Variants in ADAM10 observed in about 807,000 individuals in gnomAD.
ADAM10 encodes ADAM metallopeptidase domain 10.
In ADAM10, 17 loss-of-function variants were observed where a neutral mutation model predicts 90.1. That is an observed-to-expected ratio of 0.19 (90% CI 0.13 to 0.28). The LOEUF (loss-of-function observed/expected upper bound fraction) is 0.28. Among genes scored for constraint, ADAM10 ranks in the 10% least tolerant of loss-of-function variants. The pLI is 1.00. For missense variants in ADAM10, 610 were observed against 914.3 expected, an observed-to-expected ratio of 0.67 and a Z score of 4.29; for synonymous variants, 310 against 298.6, an observed-to-expected ratio of 1.04 and a Z score of -0.40.
rs1292369555 is a variant in ADAM10, at chr15:58,593,030, T to C, written c.*4517A>G. 6.7e-6 allele frequency: 1 copy of C among 148,806 alleles called. No individual in the cohort carries two copies. The highest frequency in any genetic ancestry group is 2.1e-4 in the South Asian group (1 of 4,776). 9.2% of individuals were successfully genotyped at this position (148,806 alleles called of 1,614,324 possible). On this transcript the variant is annotated 3_prime_UTR_variant, in exon 16 of 16. Coordinates refer to ENST00000260408, the MANE Select transcript of ADAM10 (RefSeq NM_001110.4). ...CATACATCCACAGAAATATTTAGAGTAGTTAATGTGATATACATTATCAAT... is the reference window on the plus strand; with the variant it reads ...CATACATCCACAGAAATATTTAGAGCAGTTAATGTGATATACATTATCAAT...
intron 5 of ADAM10, among the ~76,000 whole-genome samples, chr15:58,658,090 A>T (rs1896876956): frequency 6.6e-6 from 1 of 152,068 alleles, no homozygotes; most frequent in African/African-American, 2.4e-5. Flanking sequence ...GCCTTGAGAA[A>T]TTGTTATCAC....
At chr15:58,727,439 C>T (rs1240580096) in intron 1 of ADAM10, among the ~76,000 whole-genome samples, 1 of 152,068 alleles carries the variant, frequency 6.6e-6, no homozygotes, top group Non-Finnish European at 1.5e-5. Context: ...GATCTAACCA[C>T]CTCGGCCTCC....
chr15:58,725,688 C>T (rs1262282889), intron 1 of ADAM10, among the ~76,000 whole-genome samples: 4 of 151,906 alleles, frequency 2.6e-5, no homozygotes, highest in Admixed American at 6.6e-5. Flanking sequence ...AAAAAAGACA[C>T]ATTTTATAAA....
intron 1 of ADAM10, among the ~76,000 whole-genome samples, chr15:58,720,369 CTTTTATTTTA>C (rs774200669): frequency 2.0e-4 from 24 of 121,700 alleles, no homozygotes; most frequent in African/African-American, 5.2e-4. Flanking sequence ...TAGCATGAAA[CTTTTATTTTA>C]TTTTATTTTA....
intron 5 of ADAM10, among the ~76,000 whole-genome samples, chr15:58,654,367 C>T (rs1182445169): frequency 1.3e-5 from 2 of 151,980 alleles, no homozygotes; most frequent in Non-Finnish European, 2.9e-5. Context: ...GTATCCTACG[C>T]GTTGTGTTAT....
chr15:58,635,680 T>C (rs552751036), intron 8 of ADAM10, among the ~76,000 whole-genome samples: 31 of 152,208 alleles, frequency 2.0e-4, no homozygotes, highest in Admixed American at 7.9e-4. Flanking sequence ...AAACAAATAG[T>C]AAATTAATAT....
chr15:58,736,949 T>C (rs2140844495), intron 1 of ADAM10, among the ~76,000 whole-genome samples: 1 of 152,096 alleles, frequency 6.6e-6, no homozygotes, highest in African/African-American at 2.4e-5. Flanking sequence ...ACCCCATCTC[T>C]AGTTTTTTTT....
At chr15:58,720,781 T>C (rs1426284983) in intron 1 of ADAM10, among the ~76,000 whole-genome samples, 1 of 152,178 alleles carries the variant, frequency 6.6e-6, no homozygotes, top group Non-Finnish European at 1.5e-5. Context: ...TAAACATACT[T>C]ATAAATGTAG....
At chr15:58,700,979 T>C (rs1365969425) in intron 2 of ADAM10, among the ~76,000 whole-genome samples, 4 of 135,246 alleles carry the variant, frequency 3.0e-5, no homozygotes, top group Non-Finnish European at 4.6e-5. Context: ...CACTCCAACC[T>C]GGGAGACAGA....
In ADAM10 at chr15:58,621,766, C is replaced by T. The variant is rs544462024; in HGVS notation, c.1361-145G>A. ...GAACAAACTAGGAATCTGGAAATTA[C>T]GAGACCTAATTCTAACAGGGGGTCT... On this transcript the variant is annotated intron_variant, in intron 10 of 15. Transcript: ENST00000260408. 1.2e-4 allele frequency: 121 copies of T among 1,034,984 alleles called. 1 individual carries two copies. In the South Asian group the frequency reaches 1.5e-3, roughly 13 times the overall value. The allele number at this position is 1,034,984 out of a possible 1,614,324, so 64.1% of individuals were successfully genotyped here.
chr15:58,712,462 T>C (rs1172672974), intron 2 of ADAM10, among the ~76,000 whole-genome samples: 1 of 149,046 alleles, frequency 6.7e-6, no homozygotes, highest in Non-Finnish European at 1.5e-5. Flanking sequence ...AGGCAAGAGT[T>C]TCAGTGAAAT....
intron 4 of ADAM10, among the ~76,000 whole-genome samples, chr15:58,678,345 A>G (rs1897341927): frequency 6.6e-6 from 1 of 152,180 alleles, no homozygotes; most frequent in African/African-American, 2.4e-5. Flanking sequence ...ATCATTGACA[A>G]TAAATTTCTG....
intron 1 of ADAM10, among the ~76,000 whole-genome samples, chr15:58,724,506 G>A (rs1217860846): frequency 1.3e-5 from 2 of 152,218 alleles, no homozygotes; most frequent in Non-Finnish European, 2.9e-5. Flanking sequence ...CTTACTGCCT[G>A]TAAGCAGTCT....
intron 5 of ADAM10, among the ~76,000 whole-genome samples, chr15:58,655,738 T>TTC (rs1463559824): frequency 2.3e-4 from 22 of 95,742 alleles, no homozygotes; most frequent in African/African-American, 8.9e-4. Context: ...TATATATATA[T>TTC]ATTCTTTTTT....
At position 58,648,698 on chromosome 15, in the gene ADAM10, T is replaced by C. The variant is rs535117798; in HGVS notation, c.586-2494A>G. 8.7e-4 allele frequency among the ~76,000 whole-genome samples: 133 copies of C among 152,322 alleles called. 1 individual carries two copies. The highest frequency in any genetic ancestry group is 3.0e-3 in the African/African-American group (124 of 41,584). ...TACAACTGTTCTCTTATTTATCATA[T>C]GATTTTTCTATTATTCCTTCCGGTT... On this transcript the variant is annotated intron_variant, in intron 5 of 15. Coordinates refer to ENST00000260408, the MANE Select transcript of ADAM10 (RefSeq NM_001110.4).
At chr15:58,712,252 CA>C (rs1362780403) in intron 2 of ADAM10, among the ~76,000 whole-genome samples, 2 of 152,136 alleles carry the variant, frequency 1.3e-5, no homozygotes, top group African/African-American at 4.8e-5. Flanking sequence ...TGCTAAAGTA[CA>C]TGATGGTTAA....
rs60048171 is a variant in ADAM10, at chr15:58,638,614, C to CAAAAAAAAAA, written c.1012+2153_1012+2162dup. On this transcript the variant is annotated intron_variant, in intron 8 of 15. Transcript: ENST00000260408. ...TGGGTGACAGAGCAACACTCTGTCTCAAAAAAAAAAAAAAAAAAAAAGAAA... is the reference window on the plus strand; with the variant it reads ...TGGGTGACAGAGCAACACTCTGTCTCAAAAAAAAAAAAAAAAAAAAAAAAAAAAAAAGAAA... Among the ~76,000 whole-genome samples, 22 of 78,130 alleles carry CAAAAAAAAAA rather than the reference C, an allele frequency of 2.8e-4. 1 individual carries two copies. Among genetic ancestry groups the CAAAAAAAAAA allele is most frequent in the Admixed American group, 4.1e-4 (3 of 7,312 alleles). The allele number at this position is 78,130 out of a possible 152,430, so 51.3% of individuals were successfully genotyped here.
chr15:58,674,324 C>T (rs548206220), intron 4 of ADAM10, among the ~76,000 whole-genome samples: 2 of 152,228 alleles, frequency 1.3e-5, no homozygotes, highest in East Asian at 3.9e-4. Flanking sequence ...CATACAAATT[C>T]AAAACATATA....
At chr15:58,647,112 G>A (rs1896565637) in intron 5 of ADAM10, among the ~76,000 whole-genome samples, 1 of 151,976 alleles carries the variant, frequency 6.6e-6, no homozygotes, top group African/African-American at 2.4e-5. Context: ...TTATTTGTGG[G>A]ATTATTTAAT....
Sources: allele counts gnomAD v4.1 joint callset (sites outside exome capture counted in the v4.1 genomes callset), GRCh38; gene constraint gnomAD v4.1.1; transcripts MANE v1.5; gene names NCBI Gene and HGNC (gene_info 2026-07-23, HGNC 2026-07-21).